The following ABTB2 variants were observed in gnomAD, a reference collection of about 807,000 sequenced individuals.
ABTB2 encodes the protein ankyrin repeat and BTB domain containing 2.
In ABTB2, 56 loss-of-function variants were observed where a neutral mutation model predicts 104.1. The ratio of observed to expected loss-of-function variants is 0.54; its 90% CI spans 0.43 to 0.67. The LOEUF (loss-of-function observed/expected upper bound fraction) is 0.67, where lower values mean the gene tolerates loss of function less well. Ranked by LOEUF, ABTB2 falls within the 30% of genes least tolerant of loss-of-function variation. The probability of loss-of-function intolerance (pLI) is 0.00; values close to 1 mark genes in which losing one functional copy is unlikely to be tolerated. For synonymous variants in ABTB2, 606 were observed against 608.2 expected (o/e 1.00, Z 0.05); for missense variants, 1,279 against 1,407.7 (o/e 0.91, Z 1.46).
intron 1 of ABTB2, among the ~76,000 whole-genome samples, chr11:34,291,467 G>GA (rs1854564889): frequency 6.6e-6 from 1 of 152,170 alleles, no homozygotes; most frequent in South Asian, 2.1e-4. Flanking sequence ...GCACAGGACT[G>GA]AAAACTATCC....
intron 1 of ABTB2, among the ~76,000 whole-genome samples, chr11:34,282,600 C>T (rs2133087677): frequency 6.6e-6 from 1 of 152,048 alleles, no homozygotes; most frequent in African/African-American, 2.4e-5. Flanking sequence ...AATCTTGGCT[C>T]ACTGCACCCT....
chr11:34,317,826 C>T (rs1177953400), intron 1 of ABTB2, among the ~76,000 whole-genome samples: 1 of 151,370 alleles, frequency 6.6e-6, no homozygotes, highest in East Asian at 1.9e-4. Context: ...GATACATGTG[C>T]ATGTTTGTTG....
intron 1 of ABTB2, among the ~76,000 whole-genome samples, chr11:34,206,582 C>T (rs182014276): frequency 1.1e-3 from 173 of 152,282 alleles, no homozygotes; most frequent in African/African-American, 3.9e-3. Flanking sequence ...GAACACATCA[C>T]CAAAGCTCAC....
At chr11:34,199,885 A>G (rs1853314853) in intron 2 of ABTB2, among the ~76,000 whole-genome samples, 2 of 152,196 alleles carry the variant, frequency 1.3e-5, no homozygotes, top group Admixed American at 6.5e-5. Context: ...ATGTCCTATT[A>G]TTATTATTCC....
At chr11:34,196,256 A>G (rs1853255087) in intron 3 of ABTB2, among the ~76,000 whole-genome samples, 1 of 152,236 alleles carries the variant, frequency 6.6e-6, no homozygotes, top group Non-Finnish European at 1.5e-5. Flanking sequence ...AAAACCCATT[A>G]GAAAAGGTAT....
chr11:34,196,449 G>C (rs767668200), intron 3 of ABTB2, among the ~76,000 whole-genome samples: 3 of 152,248 alleles, frequency 2.0e-5, no homozygotes, highest in Non-Finnish European at 1.5e-5. Context: ...AGCTACTCGG[G>C]AGGCTGAGGC....
At position 34,357,672 on chromosome 11, in the gene ABTB2, C is replaced by T. The variant is rs934465589; in HGVS notation, c.-89G>A. On this transcript the variant is annotated 5_prime_UTR_variant, in exon 1 of 17. Coordinates refer to ENST00000435224, the MANE Select transcript of ABTB2 (RefSeq NM_145804.3). ...CAAGTGGGCAGAAACAAGCTCTAGG[C>T]CCTCCGGGCCACCCTCCTTCCTCTC... 2 of 1,311,018 alleles carry T rather than the reference C, an allele frequency of 1.5e-6. No individual in the cohort carries two copies. The highest frequency in any genetic ancestry group is 3.1e-5 in the African/African-American group (2 of 65,430). The allele number at this position is 1,311,018 out of a possible 1,614,324, so 81.2% of individuals were successfully genotyped here. A position where few individuals can be genotyped will look rare whatever the true frequency, so the allele number is the denominator to read the frequency against.
intron 1 of ABTB2, among the ~76,000 whole-genome samples, chr11:34,317,846 T>C (rs966471233): frequency 1.3e-5 from 2 of 152,212 alleles, no homozygotes; most frequent in Admixed American, 6.5e-5. Context: ...GCATGGGTAT[T>C]ACACACATAA....
intron 3 of ABTB2, among the ~76,000 whole-genome samples, chr11:34,180,841 A>G (rs949915032): frequency 7.9e-5 from 12 of 152,218 alleles, no homozygotes; most frequent in African/African-American, 2.9e-4. Context: ...CAATGGAACT[A>G]GGACTGAGAA....
At chr11:34,309,912 T>G (rs1266619480) in intron 1 of ABTB2, among the ~76,000 whole-genome samples, 1 of 152,230 alleles carries the variant, frequency 6.6e-6, no homozygotes, top group Non-Finnish European at 1.5e-5. Flanking sequence ...ATATTCACTT[T>G]TATATCTCAT....
chr11:34,199,977 A>T (rs1362065975), intron 2 of ABTB2, among the ~76,000 whole-genome samples: 2 of 152,212 alleles, frequency 1.3e-5, no homozygotes, highest in East Asian at 3.9e-4. Flanking sequence ...ATTTCCCAGG[A>T]CAGGAGGAGT....
chr11:34,303,234 G>C (rs1034085415), intron 1 of ABTB2, among the ~76,000 whole-genome samples: 2 of 152,352 alleles, frequency 1.3e-5, no homozygotes, highest in African/African-American at 4.8e-5. Context: ...GTCACTTCCT[G>C]TGCTGAGCAC....
chr11:34,319,714 G>A (rs1354838053), intron 1 of ABTB2, among the ~76,000 whole-genome samples: 1 of 152,078 alleles, frequency 6.6e-6, no homozygotes, highest in African/African-American at 2.4e-5. Context: ...TGGCACCCAG[G>A]CTAGAGTTCA....
chr11:34,257,856 C>T (rs575990465), intron 1 of ABTB2, among the ~76,000 whole-genome samples: 1 of 152,322 alleles, frequency 6.6e-6, no homozygotes, highest in South Asian at 2.1e-4. Context: ...ACCTCACCCT[C>T]CCAAAGTATA....
At chr11:34,214,503 A>C (rs953239479) in intron 1 of ABTB2, among the ~76,000 whole-genome samples, 4 of 151,840 alleles carry the variant, frequency 2.6e-5, no homozygotes, top group African/African-American at 9.7e-5. Context: ...ATTTTTAGAT[A>C]AAGGAAAAAG....
intron 1 of ABTB2, among the ~76,000 whole-genome samples, chr11:34,314,904 G>T (rs891283356): frequency 9.9e-5 from 15 of 152,192 alleles, no homozygotes; most frequent in Non-Finnish European, 1.9e-4. Flanking sequence ...GAGAGGCTGA[G>T]GGTGATGCCG....
At chr11:34,260,115 A>G (rs1455469246) in intron 1 of ABTB2, among the ~76,000 whole-genome samples, 3 of 152,170 alleles carry the variant, frequency 2.0e-5, no homozygotes, top group African/African-American at 7.2e-5. Flanking sequence ...GGCCTAAATG[A>G]AAAAGAAAAT....
chr11:34,350,006 C>T (rs1325575697), intron 1 of ABTB2, among the ~76,000 whole-genome samples: 1 of 152,180 alleles, frequency 6.6e-6, no homozygotes, highest in Admixed American at 6.5e-5. Context: ...ACTGAGTATG[C>T]ATAAGGCACA....
At chr11:34,291,271 A>G (rs948008489) in intron 1 of ABTB2, among the ~76,000 whole-genome samples, 10 of 152,140 alleles carry the variant, frequency 6.6e-5, no homozygotes, top group African/African-American at 2.4e-4. Flanking sequence ...TCCCAAGTGG[A>G]CCAGTTTTTG....
Sources: gnomAD v4.1 joint callset for allele counts (sites outside exome capture counted in the v4.1 genomes callset) on GRCh38, gnomAD v4.1.1 for gene constraint, MANE v1.5 for transcripts, NCBI Gene and HGNC (gene_info 2026-07-23, HGNC 2026-07-21) for gene names.